ARHGEF28: variants seen among roughly 807,000 people sequenced by gnomAD.
The protein encoded by ARHGEF28 is Rho guanine nucleotide exchange factor 28, also known as 190 kDa guanine nucleotide exchange factor.
A neutral mutation model predicts 206.6 loss-of-function variants in ARHGEF28; 152 were observed. That is an observed-to-expected ratio of 0.74 (90% confidence interval 0.64 to 0.84). The LOEUF (loss-of-function observed/expected upper bound fraction) is 0.84. ARHGEF28 is among the 40% of genes least tolerant of loss of function. The probability of loss-of-function intolerance (pLI) is 0.00; values close to 1 mark genes in which losing one functional copy is unlikely to be tolerated. For missense variants in ARHGEF28, 2,028 were observed against 2,073.2 expected (o/e 0.98, Z 0.42); for synonymous variants, 763 against 776.4 (o/e 0.98, Z 0.29).
chr5:73,885,441 G>A (rs938265265), intron 24 of ARHGEF28, among the ~76,000 whole-genome samples: 1 of 151,626 alleles, frequency 6.6e-6, no homozygotes, highest in African/African-American at 2.4e-5. Flanking sequence ...TTTTTTGGTG[G>A]GGGGGTGGTA....
chr5:73,872,926 T>A, intron 21 of ARHGEF28, 73 bp from the exon 22 acceptor site: 1 of 1,541,620 alleles, frequency 6.5e-7, no homozygotes, highest in East Asian at 2.3e-5. Flanking sequence ...AGTGTTGAGT[T>A]ACTAATTTAG....
intron 1 of ARHGEF28, among the ~76,000 whole-genome samples, chr5:73,661,665 G>T (rs192166266): frequency 7.2e-5 from 11 of 152,110 alleles, no homozygotes; most frequent in Non-Finnish European, 1.3e-4. Flanking sequence ...TCAATATTGT[G>T]TCTCAGGGAA....
At chr5:73,654,981 T>C (rs1195881521) in intron 1 of ARHGEF28, among the ~76,000 whole-genome samples, 1 of 152,146 alleles carries the variant, frequency 6.6e-6, no homozygotes, top group Non-Finnish European at 1.5e-5. Flanking sequence ...AAATGAAAGG[T>C]TGTTTGAATA....
At chr5:73,700,245 C>G (rs1748513819) in intron 2 of ARHGEF28, among the ~76,000 whole-genome samples, 3 of 152,000 alleles carry the variant, frequency 2.0e-5, no homozygotes, top group Admixed American at 6.6e-5. Context: ...ATATGGGAAC[C>G]CGTGTGTGTG....
At chr5:73,805,363 C>T (rs1224214977) in intron 9 of ARHGEF28, among the ~76,000 whole-genome samples, 2 of 152,058 alleles carry the variant, frequency 1.3e-5, no homozygotes, top group Non-Finnish European at 2.9e-5. Flanking sequence ...TGTGACAAAA[C>T]AATCTAGCTG....
At chr5:73,813,793 A>G (rs1756000633) in intron 9 of ARHGEF28, 1 of 1,050,142 alleles carries the variant, frequency 9.5e-7, no homozygotes, top group South Asian at 1.5e-5. Context: ...GTGCCTTTAT[A>G]AAACACTCAC....
At chr5:73,754,192 G>A (rs1174017110) in intron 4 of ARHGEF28, among the ~76,000 whole-genome samples, 3 of 152,144 alleles carry the variant, frequency 2.0e-5, no homozygotes, top group Non-Finnish European at 4.4e-5. Flanking sequence ...TCATGGATGA[G>A]ATTAAATGCA....
chr5:73,903,521 C>T (rs1178358359), intron 31 of ARHGEF28: 6 of 152,250 alleles, frequency 3.9e-5, no homozygotes, highest in Admixed American at 1.3e-4. Context: ...TCACTATCCA[C>T]GTGTGCCCTT....
chr5:73,876,936 A>C lies in ARHGEF28; in HGVS notation c.2814+3690A>C, dbSNP rs890062868. ...GGTATCAGGATGATGCTGGCCTCAT[A>C]AAATGAGTTAGGGAGGATTCCCTCT... On this transcript the variant is annotated intron_variant, in intron 22 of 35. Coordinates refer to ENST00000513042, the MANE Select transcript of ARHGEF28 (RefSeq NM_001177693.2). Among the ~76,000 whole-genome samples the C allele has an allele frequency of 2.6e-3, 382 of 146,496 alleles. 3 individuals are homozygous for C. Among genetic ancestry groups the C allele is most frequent in the African/African-American group, 9.6e-3 (374 of 38,758 alleles).
chr5:73,651,349 C>T (rs1744815950), intron 1 of ARHGEF28, among the ~76,000 whole-genome samples: 1 of 152,206 alleles, frequency 6.6e-6, no homozygotes, highest in South Asian at 2.1e-4. Context: ...AGAATACTTA[C>T]ACTATGTTGA....
At chr5:73,935,301 G>A (rs999048547) in intron 35 of ARHGEF28, among the ~76,000 whole-genome samples, 2 of 152,154 alleles carry the variant, frequency 1.3e-5, no homozygotes, top group African/African-American at 4.8e-5. Context: ...CACTTCAGTT[G>A]TTTTATTTCA....
chr5:73,659,201 T>C (rs1455977393), intron 1 of ARHGEF28, among the ~76,000 whole-genome samples: 1 of 152,214 alleles, frequency 6.6e-6, no homozygotes, highest in Non-Finnish European at 1.5e-5. Context: ...TTGGGTTATA[T>C]CACTGAGTTA....
chr5:73,657,468 A>G (rs952939517), intron 1 of ARHGEF28, among the ~76,000 whole-genome samples: 37 of 152,168 alleles, frequency 2.4e-4, no homozygotes, highest in African/African-American at 7.0e-4. Context: ...TTATTTAAAC[A>G]TAGTTATTTT....
chr5:73,928,092 A>C (rs1484062991), intron 35 of ARHGEF28, among the ~76,000 whole-genome samples: 1 of 152,240 alleles, frequency 6.6e-6, no homozygotes, highest in Non-Finnish European at 1.5e-5. Context: ...ATAGGTATGT[A>C]AGTTCTTTGA....
At chr5:73,676,565 G>C (rs551793207) in intron 1 of ARHGEF28, among the ~76,000 whole-genome samples, 15 of 152,144 alleles carry the variant, frequency 9.9e-5, no homozygotes, top group Non-Finnish European at 2.2e-4. Flanking sequence ...AAGCATGATT[G>C]TGAGGGTCAT....
chr5:73,676,021 G>T (rs1746652796), intron 1 of ARHGEF28, among the ~76,000 whole-genome samples: 1 of 150,294 alleles, frequency 6.7e-6, no homozygotes, highest in African/African-American at 2.4e-5. Flanking sequence ...TGATCAAATT[G>T]ATTGACTCCG....
intron 35 of ARHGEF28, among the ~76,000 whole-genome samples, chr5:73,933,141 G>A (rs990000149): frequency 6.7e-6 from 1 of 149,596 alleles, no homozygotes; most frequent in African/African-American, 2.5e-5. Flanking sequence ...TACTTTTTAA[G>A]CTTTAAATGA....
intron 8 of ARHGEF28, among the ~76,000 whole-genome samples, chr5:73,795,064 A>G (rs1390032857): frequency 6.6e-6 from 1 of 152,270 alleles, no homozygotes; most frequent in Non-Finnish European, 1.5e-5. Context: ...CAATGTGATT[A>G]CAAGAGTAAA....
chr5:73,818,930 T>A (rs6453024), intron 9 of ARHGEF28, among the ~76,000 whole-genome samples: 115,691 of 152,052 alleles, frequency 0.76, 44,277 homozygotes, highest in East Asian at 0.93. Context: ...TTATTTATTC[T>A]GATACATTAA....
Sources: allele counts gnomAD v4.1 joint callset (sites outside exome capture counted in the v4.1 genomes callset), GRCh38; gene constraint gnomAD v4.1.1; transcripts MANE v1.5; gene names NCBI Gene and HGNC (gene_info 2026-07-23, HGNC 2026-07-21).